SERPINB7: variants seen among roughly 807,000 people sequenced by gnomAD.
The protein encoded by SERPINB7 is serpin family B member 7.
Under a neutral mutation model 37.4 loss-of-function variants are expected in SERPINB7, and 31 were observed. That is an observed-to-expected ratio of 0.83 (90% CI 0.62 to 1.12). SERPINB7 has a LOEUF of 1.12. Ranked by LOEUF, SERPINB7 falls within the 50% of genes most tolerant of loss-of-function variation. SERPINB7 has a pLI of 0.00. For missense variants in SERPINB7, 521 were observed against 455.3 expected (o/e 1.14, Z -1.31); for synonymous variants, 163 against 166.1 (o/e 0.98, Z 0.14).
chr18:63,780,761 A>G (rs145867756), intron 1 of SERPINB7, among the ~76,000 whole-genome samples: 1 of 152,288 alleles, frequency 6.6e-6, no homozygotes. Flanking sequence ...CTTATAACGA[A>G]TTCTATATAG....
chr18:63,784,140 G>C (rs1161520702), intron 2 of SERPINB7, among the ~76,000 whole-genome samples: 1 of 152,166 alleles, frequency 6.6e-6, no homozygotes. Context: ...ACTGAAGTGG[G>C]AATATTACCC....
chr18:63,795,568 A>G (rs565206556), intron 4 of SERPINB7, among the ~76,000 whole-genome samples: 2 of 142,122 alleles, frequency 1.4e-5, no homozygotes, highest in African/African-American at 5.3e-5. Flanking sequence ...TCGTCTCAAA[A>G]AAAGAATTAA....
chr18:63,789,837 A>ATTGATAT (rs2049408855), intron 2 of SERPINB7, among the ~76,000 whole-genome samples: 1 of 152,186 alleles, frequency 6.6e-6, no homozygotes. Context: ...GTTCTTATAG[A>ATTGATAT]CTGATATGAC....
chr18:63,793,914 G>T (rs1382986822), intron 4 of SERPINB7, among the ~76,000 whole-genome samples: 1 of 151,738 alleles, frequency 6.6e-6, no homozygotes, highest in East Asian at 1.9e-4. Flanking sequence ...AAGTATAAAT[G>T]CTTAGTGGCT....
At chr18:63,804,098 A>G (rs969368036) in intron 7 of SERPINB7, 139 bp from the exon 8 acceptor site, 17 of 609,542 alleles carry the variant, frequency 2.8e-5, no homozygotes, top group African/African-American at 2.0e-4. Context: ...CTGTTTCAAG[A>G]CTGCCCAAGA....
intron 2 of SERPINB7, among the ~76,000 whole-genome samples, chr18:63,788,488 A>G (rs1040958609): frequency 2.4e-4 from 37 of 152,238 alleles, no homozygotes; most frequent in Non-Finnish European, 3.2e-4. Context: ...TTTTTAAAAA[A>G]TAAGAAGTTT....
intron 7 of SERPINB7, among the ~76,000 whole-genome samples, chr18:63,801,895 G>A (rs1298821117): frequency 1.3e-5 from 2 of 152,302 alleles, no homozygotes; most frequent in Admixed American, 1.3e-4. Context: ...ATTGGTTAAT[G>A]TTTACTATCT....
intron 2 of SERPINB7, among the ~76,000 whole-genome samples, chr18:63,786,357 G>A (rs938680517): frequency 4.0e-5 from 6 of 149,868 alleles, no homozygotes; most frequent in Admixed American, 6.7e-5. Context: ...TTCTCTCAAC[G>A]TTTCCATTGA....
intron 6 of SERPINB7, among the ~76,000 whole-genome samples, chr18:63,799,600 A>G (rs1255672984): frequency 2.6e-5 from 4 of 152,162 alleles, no homozygotes; most frequent in Non-Finnish European, 4.4e-5. Flanking sequence ...AAAATTGGTG[A>G]CATAATCTCT....
chr18:63,793,333 A>T, intron 4 of SERPINB7, 56 bp downstream of exon 4: 1 of 911,224 alleles, frequency 1.1e-6, no homozygotes, highest in Non-Finnish European at 1.7e-6. Flanking sequence ...CCATTATCTG[A>T]ACAAAGGCTT....
At chr18:63,777,388 G>A (rs565786349) in intron 1 of SERPINB7, among the ~76,000 whole-genome samples, 2 of 151,948 alleles carry the variant, frequency 1.3e-5, no homozygotes, top group East Asian at 1.9e-4. Flanking sequence ...GGTGGGGCTC[G>A]GTCATATTCA....
chr18:63,773,741 G>A (rs763666688), upstream of SERPINB7, among the ~76,000 whole-genome samples: 3 of 152,128 alleles, frequency 2.0e-5, no homozygotes, highest in Non-Finnish European at 4.4e-5. Flanking sequence ...AATGTAACAC[G>A]CCAGTCCACA....
At chr18:63,768,229 A>C (rs1298573109) in intron 1 of SERPINB7, among the ~76,000 whole-genome samples, 1 of 151,754 alleles carries the variant, frequency 6.6e-6, no homozygotes, top group Non-Finnish European at 1.5e-5. Flanking sequence ...AGTTTCTTTA[A>C]GTGAAAGTAT....
intron 2 of SERPINB7, among the ~76,000 whole-genome samples, chr18:63,784,625 A>G (rs2049346338): frequency 6.6e-6 from 1 of 152,228 alleles, no homozygotes; most frequent in Admixed American, 6.5e-5. Flanking sequence ...TCATGGAAAC[A>G]TAGCCTTGGT....
At chr18:63,795,615 G>A (rs529405493) in intron 4 of SERPINB7, among the ~76,000 whole-genome samples, 1 of 151,824 alleles carries the variant, frequency 6.6e-6, no homozygotes, top group Non-Finnish European at 1.5e-5. Context: ...AAGTGTGGGT[G>A]GAACCTAGAG....
chr18:63,782,087 G>A (rs988256574), intron 1 of SERPINB7, among the ~76,000 whole-genome samples: 2 of 152,146 alleles, frequency 1.3e-5, no homozygotes, highest in Non-Finnish European at 1.5e-5. Flanking sequence ...TGAGCCCCAT[G>A]AATGTGTCTG....
In SERPINB7 at chr18:63,804,299, TAAGTATGTTGA is replaced by T. The variant is rs1157759655; in HGVS notation, c.808_818del (p.Lys270GlyfsTer13). 1 of 1,609,656 alleles carries T rather than the reference TAAGTATGTTGA, an allele frequency of 6.2e-7. No individual in the cohort carries two copies. Among genetic ancestry groups the T allele is most frequent in the East Asian group, 2.2e-5 (1 of 44,884 alleles). ...GGACCAATCCAAGGCGAATGACCTC[TAAGTATGTTGA>T]GGTATTTTTTCCTCAGTTCAAGATA... On this transcript the variant is annotated frameshift_variant, in exon 8 of 8. Coordinates refer to ENST00000398019, the MANE Select transcript of SERPINB7 (RefSeq NM_003784.4). LOFTEE classifies it high-confidence loss of function.
chr18:63,795,985 A>C (rs190009824), intron 4 of SERPINB7, among the ~76,000 whole-genome samples: 50 of 152,328 alleles, frequency 3.3e-4, no homozygotes, highest in Admixed American at 2.4e-3. Context: ...ATGAGAACGC[A>C]GTGGTAAAAG....
At chr18:63,766,055 C>T (rs1166262083) in intron 1 of SERPINB7, among the ~76,000 whole-genome samples, 2 of 152,058 alleles carry the variant, frequency 1.3e-5, no homozygotes, top group Non-Finnish European at 2.9e-5. Flanking sequence ...GCCTACATTC[C>T]AGGGAAGAGC....
Sources: allele counts gnomAD v4.1 joint callset (sites outside exome capture counted in the v4.1 genomes callset), GRCh38; gene constraint gnomAD v4.1.1; transcripts MANE v1.5; gene names NCBI Gene and HGNC (gene_info 2026-07-23, HGNC 2026-07-21).